PCDHA11: variants seen among roughly 807,000 people sequenced by gnomAD.
PCDHA11 encodes the protein protocadherin alpha-11.
In PCDHA11, 61 loss-of-function variants were observed where a neutral mutation model predicts 70.3. The ratio of observed to expected loss-of-function variants is 0.87; its 90% CI spans 0.71 to 1.07. The LOEUF is 1.07. Among genes scored for constraint, PCDHA11 ranks in the 50% least tolerant of loss-of-function variants. The pLI, the probability that PCDHA11 is intolerant of heterozygous loss-of-function variation, is 0.00. For synonymous variants in PCDHA11, 633 were observed against 555.1 expected (o/e 1.14, Z -1.97); for missense variants, 1,324 against 1,237.5 (o/e 1.07, Z -1.05).
At chr5:140,933,928 T>G (rs1055877190) in intron 1 of PCDHA11, among the ~76,000 whole-genome samples, 1 of 152,080 alleles carries the variant, frequency 6.6e-6, no homozygotes, top group Non-Finnish European at 1.5e-5. Flanking sequence ...TGTCCTGTTG[T>G]GACTTTTTTT....
intron 1 of PCDHA11, among the ~76,000 whole-genome samples, chr5:140,873,187 T>C (rs1169831538): frequency 6.6e-6 from 1 of 152,214 alleles, no homozygotes; most frequent in Non-Finnish European, 1.5e-5. Context: ...ATAATATTCA[T>C]TGGCTAAAAA....
Position 140,869,669 on chromosome 5 carries a change from T to A in PCDHA11, c.566T>A (p.Ile189Asn). Residue 189 changes from isoleucine to asparagine, a missense_variant, in exon 1 of 4, where the codon ATT becomes AAT. Transcript: ENST00000398640. ...SLDSPTNGKQ[I>N]KRLSLILKKS... ...GATTCACCAACAAATGGTAAGCAGATTAAAAGACTGTCACTTATTTTAAAG... is the reference window on the plus strand; with the variant it reads ...GATTCACCAACAAATGGTAAGCAGAATAAAAGACTGTCACTTATTTTAAAG... The A allele has an allele frequency of 6.2e-7, 1 of 1,613,476 alleles. No homozygotes were observed. Among genetic ancestry groups the A allele is most frequent in the South Asian group, 1.1e-5 (1 of 91,066 alleles).
At chr5:140,987,262 G>A (rs563934474) in intron 3 of PCDHA11, among the ~76,000 whole-genome samples, 1 of 151,978 alleles carries the variant, frequency 6.6e-6, no homozygotes, top group South Asian at 2.1e-4. Context: ...TCTCAGGAAT[G>A]GGACCCGGCA....
At position 140,917,079 on chromosome 5, in the gene PCDHA11, A is replaced by G. The variant is rs115825402; in HGVS notation, c.2391+45585A>G. Among the ~76,000 whole-genome samples the G allele has an allele frequency of 8.0e-3, 1,217 of 152,106 alleles. 6 individuals carry two copies. The highest frequency in any genetic ancestry group is 0.019 in the African/African-American group (785 of 41,476). On this transcript the variant is annotated intron_variant, in intron 1 of 3. Coordinates refer to ENST00000398640, the MANE Select transcript of PCDHA11 (RefSeq NM_018902.5). ...GCTACGACAGCACCGAGTTTAATGT[A>G]AAGTTCCCCAGTTGCTGTGCTTTAC... is the stretch of plus-strand genomic sequence containing the variant.
intron 1 of PCDHA11, chr5:140,926,824 A>T: frequency 1.3e-6 from 2 of 1,496,944 alleles, no homozygotes; most frequent in Non-Finnish European, 1.8e-6. Context: ...GCTCTCCAGG[A>T]GTCCGGAGCA....
intron 1 of PCDHA11, among the ~76,000 whole-genome samples, chr5:140,960,271 CA>C (rs1193468231): frequency 2.0e-5 from 3 of 152,182 alleles, no homozygotes; most frequent in Non-Finnish European, 4.4e-5. Flanking sequence ...TAAATTCCGT[CA>C]CCTTTTTGGG....
At chr5:140,989,527 G>A (rs1172019994) in intron 3 of PCDHA11, among the ~76,000 whole-genome samples, 1 of 152,192 alleles carries the variant, frequency 6.6e-6, no homozygotes, top group Non-Finnish European at 1.5e-5. Flanking sequence ...GGGCAGAGGA[G>A]GAAGATAGTT....
chr5:140,871,257 G>C lies in PCDHA11; in HGVS notation c.2154G>C (p.Thr718=), dbSNP rs374337862. 21 of 1,613,824 alleles carry C rather than the reference G, an allele frequency of 1.3e-5. No individual in the cohort carries two copies. Among genetic ancestry groups the C allele is most frequent in the East Asian group, 2.2e-5 (1 of 44,888 alleles). Residue 718 remains threonine, a synonymous_variant, in exon 1 of 4, where the codon ACG becomes ACC. Transcript: ENST00000398640. ...SLLVLTLLLY[T]ALWWSATPTE... The stretch of plus-strand genomic sequence containing the variant: ...TGGTACTCACGCTGCTGCTGTATAC[G>C]GCGCTGTGGTGGTCGGCAACGCCCA...
At chr5:140,897,175 G>A (rs1293904744) in intron 1 of PCDHA11, among the ~76,000 whole-genome samples, 3 of 151,828 alleles carry the variant, frequency 2.0e-5, no homozygotes, top group Admixed American at 6.6e-5. Flanking sequence ...ATCTCCATGG[G>A]TTCAAAAAAT....
chr5:140,994,988 A>G (rs781915746), intron 3 of PCDHA11, among the ~76,000 whole-genome samples: 3 of 152,166 alleles, frequency 2.0e-5, no homozygotes, highest in Non-Finnish European at 4.4e-5. Flanking sequence ...ACCCACTAGA[A>G]GGTTAGTTGG....
chr5:140,953,842 T>A (rs1369287853), intron 1 of PCDHA11, among the ~76,000 whole-genome samples: 2 of 152,214 alleles, frequency 1.3e-5, no homozygotes, highest in Non-Finnish European at 2.9e-5. Flanking sequence ...GTTACCCAGG[T>A]AAACATGTGC....
At chr5:140,953,258 T>C (rs1042358653) in intron 1 of PCDHA11, among the ~76,000 whole-genome samples, 22 of 152,304 alleles carry the variant, frequency 1.4e-4, no homozygotes, top group African/African-American at 5.3e-4. Context: ...TTAGTTCTTT[T>C]AGCTTTAGCC....
At chr5:140,948,371 T>G (rs1310252601) in intron 1 of PCDHA11, among the ~76,000 whole-genome samples, 1 of 151,586 alleles carries the variant, frequency 6.6e-6, no homozygotes, top group Non-Finnish European at 1.5e-5. Flanking sequence ...TTAGGAGGTG[T>G]TCCTTCCTCT....
chr5:140,974,126 T>C (rs1554235851), intron 1 of PCDHA11, among the ~76,000 whole-genome samples: 1 of 152,242 alleles, frequency 6.6e-6, no homozygotes, highest in Non-Finnish European at 1.5e-5. Flanking sequence ...GTGTTTTAAA[T>C]CTGCTAACCT....
intron 1 of PCDHA11, among the ~76,000 whole-genome samples, chr5:140,900,353 C>T (rs1426808430): frequency 6.6e-6 from 1 of 152,092 alleles, no homozygotes; most frequent in Non-Finnish European, 1.5e-5. Flanking sequence ...TCTTGGCTCA[C>T]CGCAACCTCT....
intron 1 of PCDHA11, among the ~76,000 whole-genome samples, chr5:140,881,010 T>C (rs782629592): frequency 5.3e-5 from 8 of 152,198 alleles, no homozygotes; most frequent in South Asian, 4.1e-4. Flanking sequence ...AGCAGAGCTA[T>C]GGAAATAAAC....
chr5:140,929,465 A>G (rs2086179280), intron 1 of PCDHA11: 1 of 1,322,058 alleles, frequency 7.6e-7, no homozygotes, highest in African/African-American at 1.5e-5. Flanking sequence ...CTGTGCCAAG[A>G]AATCTGGAAG....
chr5:140,983,754 A>T (rs2097065978), intron 3 of PCDHA11, among the ~76,000 whole-genome samples: 3 of 152,210 alleles, frequency 2.0e-5, no homozygotes. Flanking sequence ...AATCCATTCA[A>T]ATTCAAATAC....
At chr5:140,879,234 G>A (rs1483424901) in intron 1 of PCDHA11, among the ~76,000 whole-genome samples, 1 of 152,180 alleles carries the variant, frequency 6.6e-6, no homozygotes, top group Non-Finnish European at 1.5e-5. Flanking sequence ...ACATATACAA[G>A]AGGCACTGGC....
Sources: allele counts gnomAD v4.1 joint callset (sites outside exome capture counted in the v4.1 genomes callset), GRCh38; gene constraint gnomAD v4.1.1; transcripts MANE v1.5; gene names NCBI Gene and HGNC (gene_info 2026-07-23, HGNC 2026-07-21).